ZNF804B: variants seen among roughly 807,000 people sequenced by gnomAD.
The protein encoded by ZNF804B is zinc finger protein 804B.
Under a neutral mutation model 101.4 loss-of-function variants are expected in ZNF804B, and 80 were observed. That is an observed-to-expected ratio of 0.79 (90% confidence interval 0.66 to 0.95). The LOEUF is 0.95. Ranked by LOEUF, ZNF804B falls within the 40% of genes least tolerant of loss-of-function variation. The pLI is 0.00. For synonymous variants in ZNF804B, 622 were observed against 558.8 expected, an observed-to-expected ratio of 1.11 and a Z score of -1.59; for missense variants, 1,673 against 1,561.9, an observed-to-expected ratio of 1.07 and a Z score of -1.20.
intron 2 of ZNF804B, among the ~76,000 whole-genome samples, chr7:89,250,482 A>G (rs1030803824): frequency 6.6e-6 from 1 of 152,202 alleles, no homozygotes; most frequent in Non-Finnish European, 1.5e-5. Context: ...CCTGGATCAG[A>G]TGGATTCACA....
chr7:88,784,244 G>A (rs1377078253), intron 1 of ZNF804B, among the ~76,000 whole-genome samples: 3 of 152,172 alleles, frequency 2.0e-5, no homozygotes, highest in African/African-American at 4.8e-5. Flanking sequence ...GGAAATAGCA[G>A]TGTATTAACC....
chr7:89,300,915 A>T (rs1379617549), intron 2 of ZNF804B, among the ~76,000 whole-genome samples: 2 of 151,786 alleles, frequency 1.3e-5, no homozygotes, highest in Non-Finnish European at 2.9e-5. Context: ...TCTCTCTAGC[A>T]GTAGGTGGCA....
chr7:89,126,824 G>A (rs1001518682), intron 1 of ZNF804B, among the ~76,000 whole-genome samples: 4 of 151,808 alleles, frequency 2.6e-5, no homozygotes, highest in Non-Finnish European at 5.9e-5. Context: ...GGCCATAAAA[G>A]CATCATTAGT....
chr7:89,279,008 G>C (rs1285913491), intron 2 of ZNF804B, among the ~76,000 whole-genome samples: 1 of 152,104 alleles, frequency 6.6e-6, no homozygotes, highest in African/African-American at 2.4e-5. Flanking sequence ...CCATTTGTTT[G>C]TATCCTCTTT....
chr7:89,045,669 T>G (rs965366902), intron 1 of ZNF804B, among the ~76,000 whole-genome samples: 5 of 152,206 alleles, frequency 3.3e-5, no homozygotes, highest in Admixed American at 6.5e-5. Context: ...GCATTGAGCC[T>G]GTAGCTCCTT....
intron 2 of ZNF804B, among the ~76,000 whole-genome samples, chr7:89,318,310 T>G (rs1687452296): frequency 6.6e-6 from 1 of 152,214 alleles, no homozygotes; most frequent in Non-Finnish European, 1.5e-5. Flanking sequence ...CATGTTGATT[T>G]TCTCTCTTTT....
At chr7:89,150,675 C>G (rs1790860768) in intron 1 of ZNF804B, among the ~76,000 whole-genome samples, 1 of 151,920 alleles carries the variant, frequency 6.6e-6, no homozygotes, top group African/African-American at 2.4e-5. Context: ...TGGGTCATTG[C>G]TAAGTAGAAG....
At chr7:89,169,121 G>T (rs1791188329) in intron 1 of ZNF804B, among the ~76,000 whole-genome samples, 1 of 152,134 alleles carries the variant, frequency 6.6e-6, no homozygotes, top group Non-Finnish European at 1.5e-5. Context: ...TGGATTGGGA[G>T]CACAGTGGAC....
intron 2 of ZNF804B, among the ~76,000 whole-genome samples, chr7:89,303,565 G>C (rs1050486603): frequency 1.3e-5 from 2 of 151,822 alleles, no homozygotes; most frequent in Non-Finnish European, 2.9e-5. Flanking sequence ...ACATCTCTTA[G>C]CCTCAGTTTT....
At chr7:89,182,705 A>G (rs575942965) in intron 1 of ZNF804B, among the ~76,000 whole-genome samples, 26 of 152,166 alleles carry the variant, frequency 1.7e-4, no homozygotes, top group Non-Finnish European at 3.7e-4. Flanking sequence ...GAAAATTATT[A>G]TTCTCTGGAA....
chr7:88,797,161 G>T (rs1157702238), intron 1 of ZNF804B, among the ~76,000 whole-genome samples: 2 of 151,872 alleles, frequency 1.3e-5, no homozygotes, highest in Non-Finnish European at 2.9e-5. Context: ...CAAAATCCTT[G>T]GTATTATTTG....
intron 2 of ZNF804B, among the ~76,000 whole-genome samples, chr7:89,291,446 G>A (rs1790290747): frequency 6.6e-6 from 1 of 152,104 alleles, no homozygotes; most frequent in Admixed American, 6.5e-5. Flanking sequence ...TAATTATAAA[G>A]AATTAAGCAG....
At chr7:89,031,649 C>T (rs1788836543) in intron 1 of ZNF804B, among the ~76,000 whole-genome samples, 1 of 147,556 alleles carries the variant, frequency 6.8e-6, no homozygotes, top group Non-Finnish European at 1.5e-5. Flanking sequence ...TTTCTTTAGG[C>T]TTCTGGTTTT....
chr7:89,155,020 G>T (rs1790935887), intron 1 of ZNF804B, among the ~76,000 whole-genome samples: 1 of 151,942 alleles, frequency 6.6e-6, no homozygotes, highest in African/African-American at 2.4e-5. Context: ...ATCAATGTAT[G>T]TACCAACTAT....
Position 89,210,520 on chromosome 7 carries a change from C to T in ZNF804B, c.109-7635C>T, listed in dbSNP as rs115628194. On this transcript the variant is annotated intron_variant, in intron 1 of 3. Transcript: ENST00000333190. ...CCCCACCCAACCCCTGGAGAAGCCC[C>T]AGTATGTGTTGCTCTCCTCCCTGTG... Among the ~76,000 whole-genome samples, 1,143 of 152,206 alleles carry T rather than the reference C, an allele frequency of 7.5e-3. 17 individuals carry two copies. The highest frequency in any genetic ancestry group is 0.026 in the African/African-American group (1,074 of 41,534).
intron 1 of ZNF804B, among the ~76,000 whole-genome samples, chr7:88,955,509 A>G (rs1021665554): frequency 2.6e-5 from 4 of 151,686 alleles, no homozygotes; most frequent in Admixed American, 6.6e-5. Flanking sequence ...CTGTAATCCA[A>G]ATCCCAACTG....
chr7:89,252,496 C>G (rs1789557276), intron 2 of ZNF804B, among the ~76,000 whole-genome samples: 1 of 152,240 alleles, frequency 6.6e-6, no homozygotes, highest in Admixed American at 6.5e-5. Flanking sequence ...GAACTTAAAA[C>G]AGGACTACCA....
At chr7:88,774,016 A>G (rs995281820) in intron 1 of ZNF804B, among the ~76,000 whole-genome samples, 3 of 152,000 alleles carry the variant, frequency 2.0e-5, no homozygotes, top group African/African-American at 4.8e-5. Flanking sequence ...TTTGGATAAA[A>G]CAGAAAAAAG....
chr7:88,948,891 G>A (rs746415986), intron 1 of ZNF804B, among the ~76,000 whole-genome samples: 1 of 151,798 alleles, frequency 6.6e-6, no homozygotes, highest in Non-Finnish European at 1.5e-5. Flanking sequence ...TCTAGTCCGC[G>A]ATCACAGAAG....
Sources: gnomAD v4.1 joint callset for allele counts (sites outside exome capture counted in the v4.1 genomes callset) on GRCh38, gnomAD v4.1.1 for gene constraint, MANE v1.5 for transcripts, NCBI Gene and HGNC (gene_info 2026-07-23, HGNC 2026-07-21) for gene names.